IGLL5: variants seen among roughly 807,000 people sequenced by gnomAD.
IGLL5 encodes immunoglobulin lambda like polypeptide 5, also known as immunoglobulin lambda-like polypeptide 5.
In IGLL5, 30 loss-of-function variants were observed where a neutral mutation model predicts 20.9. That is an observed-to-expected ratio of 1.44 (90% CI 1.07 to 1.95). IGLL5 has a LOEUF of 1.95. Among genes scored for constraint, IGLL5 ranks in the 30% most tolerant of loss-of-function variants. The pLI is 0.00. For synonymous variants in IGLL5, 203 were observed against 117.3 expected (o/e 1.73, Z -4.72); for missense variants, 475 against 270.7 (o/e 1.75, Z -5.30).
At chr22:22,894,912 C>T (rs2066707663) in intron 2 of IGLL5, among the ~76,000 whole-genome samples, 1 of 151,386 alleles carries the variant, frequency 6.6e-6, no homozygotes, top group South Asian at 2.1e-4. Context: ...CTTGGGTCTC[C>T]CCACACACTG....
intron 1 of IGLL5, among the ~76,000 whole-genome samples, chr22:22,891,353 T>C (rs182266021): frequency 6.6e-6 from 1 of 151,250 alleles, no homozygotes; most frequent in Admixed American, 6.6e-5. Context: ...TCTCAATTAC[T>C]ACATTACTGA....
rs370258805 is a variant in IGLL5 at position 22,893,796 on chromosome 22, T to A, written c.303T>A (p.Thr101=). ...EPQSLCYVFG[T]GTKVTVLGQP... is the part of the protein sequence containing the mutation. Reference sequence around the variant, plus strand: ...AGTCACTGTGTTATGTCTTCGGAACTGGGACCAAGGTCACCGTCCTAGGTA... The same window carrying A: ...AGTCACTGTGTTATGTCTTCGGAACAGGGACCAAGGTCACCGTCCTAGGTA... Residue 101 remains threonine (T), a synonymous_variant, in exon 2 of 3, where the codon ACT becomes ACA. Coordinates refer to ENST00000526893, the MANE Select transcript of IGLL5 (RefSeq NM_001178126.2). 4 of 1,611,660 alleles carry A rather than the reference T, an allele frequency of 2.5e-6. No individual in the cohort carries two copies. The highest frequency in any genetic ancestry group is 1.1e-5 in the South Asian group (1 of 90,982).
chr22:22,888,167 G>T lies in IGLL5; in HGVS notation c.114G>T (p.Leu38=), dbSNP rs556230331. The part of the protein sequence containing the change: ...LLGLAMVAHG[L]LRPMVAPQSG... ...GTCTGGCCATGGTCGCCCATGGCCT[G>T]CTGCGCCCAATGGTTGCACCGCAAA... Residue 38 remains leucine (L), a synonymous_variant, in exon 1 of 3, where the codon CTG becomes CTT. Coordinates refer to ENST00000526893, the MANE Select transcript of IGLL5 (RefSeq NM_001178126.2). The T allele has an allele frequency of 2.6e-6, 4 of 1,549,120 alleles. No homozygotes were observed. The highest frequency in any genetic ancestry group is 2.5e-5 in the East Asian group (1 of 40,626).
intron 1 of IGLL5, among the ~76,000 whole-genome samples, chr22:22,891,427 G>C (rs1227424165): frequency 6.6e-6 from 1 of 151,050 alleles, no homozygotes; most frequent in East Asian, 2.0e-4. Context: ...ACCCTGTTTT[G>C]ATTATTTTAG....
intron 2 of IGLL5, among the ~76,000 whole-genome samples, chr22:22,894,019 C>T (rs536620544): frequency 5.9e-5 from 9 of 151,540 alleles, no homozygotes; most frequent in Middle Eastern, 7.4e-3. Flanking sequence ...CAGCCGGATG[C>T]AGCCTGGTCC....
Position 22,888,948 on chromosome 22 carries a change from C to T in IGLL5, c.206+689C>T, listed in dbSNP as rs1601605145. On this transcript the variant is annotated intron_variant, in intron 1 of 2. Coordinates refer to ENST00000526893, the MANE Select transcript of IGLL5 (RefSeq NM_001178126.2). ...TGATGGGTGCCCCCAAAAGACAGAGCAGCGTCAGAGGAGAGGAGAGCACAG... is the reference window on the plus strand; with the variant it reads ...TGATGGGTGCCCCCAAAAGACAGAGTAGCGTCAGAGGAGAGGAGAGCACAG... 1.1e-4 allele frequency among the ~76,000 whole-genome samples: 16 copies of T among 151,262 alleles called. 2 individuals are homozygous for T. Among genetic ancestry groups the T allele is most frequent in the East Asian group, 8.1e-4 (4 of 4,940 alleles).
At chr22:22,888,344 T>A (rs2067584617) in intron 1 of IGLL5, 85 bp downstream of exon 1, 4 of 1,323,408 alleles carry the variant, frequency 3.0e-6, no homozygotes, top group Admixed American at 4.3e-5. Flanking sequence ...GCCAGAGGAG[T>A]GAGGAGGAAG....
intron 1 of IGLL5, among the ~76,000 whole-genome samples, chr22:22,888,975 A>G (rs548464806): frequency 7.9e-5 from 12 of 151,292 alleles, no homozygotes; most frequent in South Asian, 6.3e-4. Flanking sequence ...AGAGCACAGG[A>G]TGAGGCTGGG....
chr22:22,894,234 A>C (rs568913570), intron 2 of IGLL5, among the ~76,000 whole-genome samples: 2 of 148,594 alleles, frequency 1.3e-5, no homozygotes, highest in Admixed American at 6.7e-5. Context: ...AGCAGCCCCA[A>C]GAACAGCTGA....
rs774342744 is a variant in IGLL5, at chr22:22,888,112, C to T, written c.59C>T (p.Pro20Leu). The T allele has an allele frequency of 1.9e-6, 3 of 1,549,512 alleles. No individual in the cohort carries two copies. The highest frequency in any genetic ancestry group is 2.0e-5 in the Admixed American group (1 of 50,814). ...ACCCCTGAGGAGCTGGGCCCTGGTCCCAGGCAGCGCTGGCCCCTGCTGCTG... is the reference window on the plus strand; with the variant it reads ...ACCCCTGAGGAGCTGGGCCCTGGTCTCAGGCAGCGCTGGCCCCTGCTGCTG... ...CETPEELGPGPRQRWPLLLLG... is the reference protein window; with the variant it reads ...CETPEELGPGLRQRWPLLLLG... The change falls in exon 1 of 3, where the codon CCC becomes CTC. Residue 20 changes from proline to leucine, a missense_variant. Coordinates refer to ENST00000526893, the MANE Select transcript of IGLL5 (RefSeq NM_001178126.2).
intron 1 of IGLL5, among the ~76,000 whole-genome samples, chr22:22,890,668 G>C (rs2067814393): frequency 6.7e-6 from 1 of 150,210 alleles, no homozygotes. Flanking sequence ...CTGGATCAGA[G>C]AGAATGTACT....
chr22:22,894,600 G>C (rs1176775515), intron 2 of IGLL5, among the ~76,000 whole-genome samples: 1 of 151,430 alleles, frequency 6.6e-6, no homozygotes, highest in South Asian at 2.1e-4. Context: ...GAAATGACCA[G>C]AGGGGAGTGA....
intron 2 of IGLL5, among the ~76,000 whole-genome samples, chr22:22,894,732 G>C (rs1422970214): frequency 6.6e-6 from 1 of 151,406 alleles, no homozygotes; most frequent in African/African-American, 2.4e-5. Context: ...GAACAGCTGA[G>C]GTGAAGGGTT....
At chr22:22,890,585 GTGTGTGTGTGTGTGTA>G (rs1250185710) in intron 1 of IGLL5, among the ~76,000 whole-genome samples, 25 of 145,008 alleles carry the variant, frequency 1.7e-4, no homozygotes, top group African/African-American at 6.6e-4. Context: ...GTGTGTGTGT[GTGTGTGTGTGTGTGTA>G]TGTGTACAAA....
chr22:22,889,144 G>A (rs1022767729), intron 1 of IGLL5, among the ~76,000 whole-genome samples: 1 of 150,990 alleles, frequency 6.6e-6, no homozygotes, highest in African/African-American at 2.4e-5. Context: ...CTGATGCGAC[G>A]CCCGATTAGA....
chr22:22,894,349 C>A, intron 2 of IGLL5, among the ~76,000 whole-genome samples: 1 of 151,480 alleles, frequency 6.6e-6, no homozygotes, highest in African/African-American at 2.4e-5. Flanking sequence ...ACAGAGAGGG[C>A]TCTGGGTCTA....
Position 22,893,823 on chromosome 22 carries a change from G to T in IGLL5, c.325+5G>T. 6.3e-7 allele frequency: 1 copy of T among 1,588,042 alleles called. No homozygotes were observed. The highest frequency in any genetic ancestry group is 8.6e-7 in the Non-Finnish European group (1 of 1,157,032). On this transcript the variant is annotated splice_donor_5th_base_variant and intron_variant, in intron 2 of 2. Transcript: ENST00000526893. ...GGACCAAGGTCACCGTCCTAGGTAAGTGGCTCTCAACCTTTCCCAGCCTGT... is the reference window on the plus strand; with the variant it reads ...GGACCAAGGTCACCGTCCTAGGTAATTGGCTCTCAACCTTTCCCAGCCTGT...
chr22:22,894,271 A>C (rs149674183), intron 2 of IGLL5, among the ~76,000 whole-genome samples: 11 of 150,748 alleles, frequency 7.3e-5, no homozygotes, highest in Middle Eastern at 3.9e-3. Context: ...CTGGATGCCA[A>C]TCCAGCCTGG....
intron 1 of IGLL5, among the ~76,000 whole-genome samples, chr22:22,889,223 G>A (rs2067698283): frequency 6.6e-6 from 1 of 151,146 alleles, no homozygotes. Flanking sequence ...CGTGCCTTGG[G>A]GATGGGGAGG....
Sources: gnomAD v4.1 joint callset for allele counts (sites outside exome capture counted in the v4.1 genomes callset) on GRCh38, gnomAD v4.1.1 for gene constraint, MANE v1.5 for transcripts, NCBI Gene and HGNC (gene_info 2026-07-23, HGNC 2026-07-21) for gene names.